Variants in AFF2 observed in about 807,000 individuals in gnomAD.
The protein encoded by AFF2 is ALF transcription elongation factor 2, also known as AF4/FMR2 family member 2.
In AFF2, 14 loss-of-function variants were observed where a neutral mutation model predicts 76.9. The ratio of observed to expected loss-of-function variants is 0.18; its 90% CI spans 0.12 to 0.28. The LOEUF (loss-of-function observed/expected upper bound fraction) is 0.28. Among genes scored for constraint, AFF2 ranks in the 10% least tolerant of loss-of-function variants. AFF2 has a pLI of 1.00. For synonymous variants in AFF2, 398 were observed against 366.7 expected (o/e 1.09, Z -0.98); for missense variants, 868 against 1,001.1 (o/e 0.87, Z 1.79).
At chrX:148,581,034 T>TGTATATATGC (rs1557244415) in intron 1 of AFF2, among the ~76,000 whole-genome samples, 2 of 95,282 alleles carry the variant, frequency 2.1e-5, no homozygotes, top group African/African-American at 8.3e-5. Flanking sequence ...TGTGTATATA[T>TGTATATATGC]ACACACATAT....
At chrX:148,668,252 C>T (rs782045104) in intron 3 of AFF2, among the ~76,000 whole-genome samples, 36 of 113,154 alleles carry the variant, frequency 3.2e-4, no homozygotes, top group Middle Eastern at 9.1e-3. Context: ...CTTTGCAGGG[C>T]GTAGCCCCCC....
At position 148,704,889 on chromosome X, in the gene AFF2, A is replaced by G. The variant is rs966715486; in HGVS notation, c.1041+42121A>G. Among the ~76,000 whole-genome samples, 96 of 109,588 alleles carry G rather than the reference A, an allele frequency of 8.8e-4. 1 individual carries two copies. Among genetic ancestry groups the G allele is most frequent in the African/African-American group, 3.0e-3 (91 of 30,029 alleles). On this transcript the variant is annotated intron_variant, in intron 3 of 20. Coordinates refer to ENST00000370460, the MANE Select transcript of AFF2 (RefSeq NM_002025.4). ...ACTATGTTGCCCAAGGTGGACTCCA[A>G]CTCCTGACCTCAAGCAATCCTCCCA...
At chrX:148,559,983 A>G (rs2053092387) in intron 1 of AFF2, among the ~76,000 whole-genome samples, 1 of 111,831 alleles carries the variant, frequency 8.9e-6, no homozygotes, top group Non-Finnish European at 1.9e-5. Context: ...CTGGTATGAG[A>G]TGGTATCTCA....
At chrX:148,791,336 G>A (rs1196359129) in intron 3 of AFF2, among the ~76,000 whole-genome samples, 2 of 111,536 alleles carry the variant, frequency 1.8e-5, no homozygotes, top group Non-Finnish European at 1.9e-5. Context: ...GCATGTACAG[G>A]GGAACTCCCC....
chrX:148,580,439 C>G (rs782786619), intron 1 of AFF2, among the ~76,000 whole-genome samples: 1 of 111,104 alleles, frequency 9.0e-6, no homozygotes, highest in East Asian at 2.8e-4. Flanking sequence ...TTCTTTTAGC[C>G]AAGTCTCTTA....
intron 9 of AFF2, among the ~76,000 whole-genome samples, chrX:148,923,079 C>T (rs1557283398): frequency 8.9e-6 from 1 of 111,813 alleles, no homozygotes; most frequent in Non-Finnish European, 1.9e-5. Context: ...CTGGAGCAAG[C>T]AATTGGCTGG....
At chrX:148,562,347 G>A (rs1449860507) in intron 1 of AFF2, among the ~76,000 whole-genome samples, 1 of 111,808 alleles carries the variant, frequency 8.9e-6, no homozygotes, top group Admixed American at 9.5e-5. Context: ...ATAAACCATG[G>A]AAAGAATGGA....
chrX:148,964,223 G>A (rs1240843426), intron 13 of AFF2, among the ~76,000 whole-genome samples: 1 of 111,931 alleles, frequency 8.9e-6, no homozygotes, highest in African/African-American at 3.3e-5. Flanking sequence ...AGTCTAAAGT[G>A]AGCAATGAGA....
At chrX:148,709,673 A>G (rs1557262725) in intron 3 of AFF2, among the ~76,000 whole-genome samples, 1 of 112,111 alleles carries the variant, frequency 8.9e-6, no homozygotes. Context: ...ACATACACAC[A>G]CTCGCAGGCA....
At chrX:148,531,275 C>T (rs905477753) in intron 1 of AFF2, among the ~76,000 whole-genome samples, 11 of 111,473 alleles carry the variant, frequency 9.9e-5, no homozygotes, top group Non-Finnish European at 7.5e-5. Context: ...AAATTTAGTA[C>T]TGATCCAAAT....
At chrX:148,577,814 C>A (rs1206039831) in intron 1 of AFF2, among the ~76,000 whole-genome samples, 1 of 111,577 alleles carries the variant, frequency 9.0e-6, no homozygotes, top group Non-Finnish European at 1.9e-5. Flanking sequence ...CATCTTTTTT[C>A]CCCCAAATGC....
intron 3 of AFF2, among the ~76,000 whole-genome samples, chrX:148,720,107 T>C (rs1276999298): frequency 9.0e-6 from 1 of 111,201 alleles, no homozygotes; most frequent in African/African-American, 3.3e-5. Context: ...ACTTTTTGCT[T>C]GGTTCCTCAG....
chrX:148,943,283 G>A (rs146115981), intron 9 of AFF2, among the ~76,000 whole-genome samples: 376 of 112,547 alleles, frequency 3.3e-3, no homozygotes, highest in African/African-American at 0.011. Flanking sequence ...CAGAAATTGC[G>A]TATGTGACTT....
chrX:148,911,946 T>C (rs782393732), intron 9 of AFF2, among the ~76,000 whole-genome samples: 7 of 112,159 alleles, frequency 6.2e-5, no homozygotes, highest in Non-Finnish European at 1.3e-4. Flanking sequence ...TGTATGTTCA[T>C]TGCAGCACTA....
At chrX:148,630,162 G>A (rs902123005) in intron 1 of AFF2, among the ~76,000 whole-genome samples, 2 of 110,960 alleles carry the variant, frequency 1.8e-5, no homozygotes, top group Admixed American at 1.9e-4. Flanking sequence ...CCAATTAAAT[G>A]TATTTTCCGT....
intron 1 of AFF2, among the ~76,000 whole-genome samples, chrX:148,625,724 A>G (rs2053919081): frequency 8.9e-6 from 1 of 111,830 alleles, no homozygotes; most frequent in Non-Finnish European, 1.9e-5. Flanking sequence ...AGGATCCTTC[A>G]GCCATTCTAA....
rs1557292365 is a variant in AFF2 at position 148,992,008 on chromosome X, G to A, written c.*676G>A. The stretch of plus-strand genomic sequence containing the variant: ...CCTATTTTGTTAATTTTAATGATAA[G>A]AAGAAAGGGTGACATTTATTTTGAC... On this transcript the variant is annotated 3_prime_UTR_variant, in exon 21 of 21. Transcript: ENST00000370460. 1 of 112,120 alleles carries A rather than the reference G, an allele frequency of 8.9e-6. No individual in the cohort carries two copies. The highest frequency in any genetic ancestry group is 3.2e-5 in the African/African-American group (1 of 30,820). The allele number at this position is 112,120 out of a possible 1,213,427, so 9.2% of individuals were successfully genotyped here. A position where few individuals can be genotyped will look rare whatever the true frequency, so the allele number is the denominator to read the frequency against.
intron 9 of AFF2, among the ~76,000 whole-genome samples, chrX:148,941,725 G>A (rs2071836870): frequency 2.0e-5 from 1 of 48,973 alleles, no homozygotes; most frequent in Non-Finnish European, 6.1e-5. Flanking sequence ...ATCCATAGAG[G>A]CAGTTGAAGG....
intron 1 of AFF2, among the ~76,000 whole-genome samples, chrX:148,588,345 T>C (rs868978347): frequency 8.9e-6 from 1 of 112,964 alleles, no homozygotes; most frequent in East Asian, 2.8e-4. Context: ...AGGCCATAGA[T>C]GTGCAGCAGA....
Sources: allele counts gnomAD v4.1 joint callset (sites outside exome capture counted in the v4.1 genomes callset), GRCh38; gene constraint gnomAD v4.1.1; transcripts MANE v1.5; gene names NCBI Gene and HGNC (gene_info 2026-07-23, HGNC 2026-07-21).